The following PPIP5K2 variants were observed in gnomAD, a reference collection of about 807,000 sequenced individuals.
PPIP5K2 encodes inositol hexakisphosphate and diphosphoinositol-pentakisphosphate kinase 2.
PPIP5K2 carries 105 observed loss-of-function variants against 154.6 expected under a neutral mutation model. The ratio of observed to expected loss-of-function variants is 0.68; its 90% CI spans 0.58 to 0.80. PPIP5K2 has a LOEUF of 0.80. Among genes scored for constraint, PPIP5K2 ranks in the 30% least tolerant of loss-of-function variants. PPIP5K2 has a pLI of 0.00. For missense variants in PPIP5K2, 992 were observed against 1,504.6 expected (o/e 0.66, Z 5.64); for synonymous variants, 480 against 490.3 (o/e 0.98, Z 0.28).
intron 4 of PPIP5K2, among the ~76,000 whole-genome samples, chr5:103,138,091 A>ATGG (rs1791874681): frequency 6.6e-6 from 1 of 152,164 alleles, no homozygotes; most frequent in Non-Finnish European, 1.5e-5. Context: ...GATAATATCA[A>ATGG]CTTTATTCAG....
At chr5:103,183,002 A>T (rs1799774767) in intron 24 of PPIP5K2, among the ~76,000 whole-genome samples, 1 of 152,002 alleles carries the variant, frequency 6.6e-6, no homozygotes, top group Non-Finnish European at 1.5e-5. Flanking sequence ...AGTTGTTATC[A>T]CATACAATTA....
chr5:103,148,890 C>G (rs1554210213), intron 7 of PPIP5K2, among the ~76,000 whole-genome samples: 1 of 151,898 alleles, frequency 6.6e-6, no homozygotes, highest in Non-Finnish European at 1.5e-5. Context: ...TGTATACATC[C>G]TAGTATTCCC....
intron 3 of PPIP5K2, among the ~76,000 whole-genome samples, chr5:103,134,508 C>T (rs1554203589): frequency 6.6e-6 from 1 of 152,116 alleles, no homozygotes; most frequent in South Asian, 2.1e-4. Flanking sequence ...GCTACCATAG[C>T]CTAAATTGAT....
rs1435809021 is a variant in PPIP5K2, at chr5:103,203,514, G to A, written c.*1880G>A. 1.3e-5 allele frequency: 2 copies of A among 152,138 alleles called. No individual in the cohort carries two copies. Among genetic ancestry groups the A allele is most frequent in the East Asian group, 3.9e-4 (2 of 5,194 alleles). 9.4% of individuals were successfully genotyped at this position (152,138 alleles called of 1,614,324 possible). ...TTCCAAAACAAATAAAAAGTCTACT[G>A]TATCAGAGCAAAATGTTATAGTTAT... On this transcript the variant is annotated 3_prime_UTR_variant, in exon 31 of 31. Transcript: ENST00000358359.
Position 103,147,998 on chromosome 5 carries a change from AAG to A in PPIP5K2, c.713_714del (p.Glu238ValfsTer8). On this transcript the variant is annotated frameshift_variant, in exon 7 of 31. Transcript: ENST00000358359. LOFTEE classifies it high-confidence loss of function. ...CGAAAAACAGGCTCATATATATATG[AAG>A]AGTTTATGCCCACAGATGGTACTGA... 4 of 1,600,966 alleles carry A rather than the reference AAG, an allele frequency of 2.5e-6. No individual in the cohort carries two copies. Among genetic ancestry groups the A allele is most frequent in the Non-Finnish European group, 3.4e-6 (4 of 1,171,450 alleles).
At chr5:103,142,518 CG>C (rs1468372830) in intron 5 of PPIP5K2, among the ~76,000 whole-genome samples, 3 of 152,214 alleles carry the variant, frequency 2.0e-5, no homozygotes, top group Non-Finnish European at 2.9e-5. Context: ...GCTCCTCAAG[CG>C]CCGCCAAAGT....
chr5:103,148,098 G>T, intron 7 of PPIP5K2, 66 bp downstream of exon 7: 2 of 1,152,638 alleles, frequency 1.7e-6, no homozygotes, highest in Non-Finnish European at 2.6e-6. Context: ...AGAAAAAGTA[G>T]TTAATCTTTA....
intron 17 of PPIP5K2, among the ~76,000 whole-genome samples, chr5:103,161,221 G>A (rs1796184083): frequency 7.0e-6 from 1 of 142,852 alleles, no homozygotes; most frequent in African/African-American, 2.6e-5. Flanking sequence ...TTGGTTTTTT[G>A]TCCTTTCGAT....
At chr5:103,121,323 G>T (rs114558740) in intron 1 of PPIP5K2, among the ~76,000 whole-genome samples, 1,558 of 152,300 alleles carry the variant, frequency 0.01, 10 homozygotes, top group African/African-American at 0.014. Context: ...GCTTTACATA[G>T]TTTGTCATTT....
intron 17 of PPIP5K2, among the ~76,000 whole-genome samples, chr5:103,160,229 G>A (rs1003418435): frequency 1.9e-4 from 29 of 152,112 alleles, no homozygotes; most frequent in African/African-American, 7.0e-4. Flanking sequence ...CAATAAAAAT[G>A]GGAATGCAAA....
chr5:103,195,992 A>G (rs1554228398), intron 30 of PPIP5K2, among the ~76,000 whole-genome samples: 1 of 152,188 alleles, frequency 6.6e-6, no homozygotes, highest in African/African-American at 2.4e-5. Flanking sequence ...TCGGGTTAAT[A>G]GTACCTTCTT....
chr5:103,187,788 TA>T (rs1554225653), intron 28 of PPIP5K2, among the ~76,000 whole-genome samples: 2 of 152,146 alleles, frequency 1.3e-5, no homozygotes, highest in Non-Finnish European at 2.9e-5. Flanking sequence ...TAAACAAAAA[TA>T]CAGAGCCACC....
intron 8 of PPIP5K2, among the ~76,000 whole-genome samples, chr5:103,149,647 T>G (rs1257986957): frequency 1.3e-5 from 2 of 152,142 alleles, no homozygotes; most frequent in Non-Finnish European, 2.9e-5. Context: ...ATTTTTTTGT[T>G]GAATGAAAAC....
At chr5:103,143,538 GAA>G (rs1307515292) in intron 5 of PPIP5K2, among the ~76,000 whole-genome samples, 2 of 152,128 alleles carry the variant, frequency 1.3e-5, no homozygotes, top group Admixed American at 1.3e-4. Context: ...CAAAATAATG[GAA>G]ACCTCAGAAA....
In PPIP5K2 at chr5:103,201,567, G is replaced by A. The variant is rs782132691; in HGVS notation, c.3665G>A (p.Arg1222Gln). ...GCAGTTGTTCCTAATACCTCATCTC[G>A]GAAAAAGAATATAACTAGCAAAACA... ...SSAVVPNTSSRKKNITSKTET... is the reference protein window; with the variant it reads ...SSAVVPNTSSQKKNITSKTET... The change falls in exon 31 of 31, where the codon CGG (arginine) becomes CAG (glutamine). Residue 1222 changes from arginine (R) to glutamine (Q), a missense_variant. This residue lies in a region of PPIP5K2 where 131 missense variants were observed against 117.8 expected (regional missense o/e 1.11). Transcript: ENST00000358359. 126 of 1,607,778 alleles carry A rather than the reference G, an allele frequency of 7.8e-5. No individual in the cohort carries two copies. Among genetic ancestry groups the A allele is most frequent in the East Asian group, 1.8e-4 (8 of 44,686 alleles).
intron 19 of PPIP5K2, among the ~76,000 whole-genome samples, chr5:103,170,875 A>T (rs1797882021): frequency 6.6e-6 from 1 of 151,592 alleles, no homozygotes; most frequent in Admixed American, 6.6e-5. Flanking sequence ...CAAGCAAATA[A>T]TATTTCCAGC....
At chr5:103,181,103 A>G (rs1419017880) in intron 24 of PPIP5K2, among the ~76,000 whole-genome samples, 1 of 152,178 alleles carries the variant, frequency 6.6e-6, no homozygotes, top group Non-Finnish European at 1.5e-5. Context: ...TTAAAAGGAA[A>G]GTTTAGCAGT....
intron 28 of PPIP5K2, 42 bp downstream of exon 28, chr5:103,187,418 T>A (rs1432183384): frequency 7.2e-7 from 1 of 1,391,800 alleles, no homozygotes; most frequent in Middle Eastern, 1.8e-4. Context: ...CCCTGCTTCA[T>A]CCCTTTTTTA....
chr5:103,205,326 T>C lies in PPIP5K2; in HGVS notation c.*3692T>C, dbSNP rs938235792. On this transcript the variant is annotated 3_prime_UTR_variant, in exon 31 of 31. Coordinates refer to ENST00000358359, the MANE Select transcript of PPIP5K2 (RefSeq NM_001276277.3). ...CATACGTGTGCATGTGTCTTTATAG[T>C]GGCATGATTTATAATCCTTTGGGTA... 1 of 152,206 alleles carries C rather than the reference T, an allele frequency of 6.6e-6. No individual in the cohort carries two copies. Among genetic ancestry groups the C allele is most frequent in the Non-Finnish European group, 1.5e-5 (1 of 68,040 alleles). 9.4% of individuals were successfully genotyped at this position (152,206 alleles called of 1,614,324 possible). A position where few individuals can be genotyped will look rare whatever the true frequency, so the allele number is the denominator to read the frequency against.
Sources: gnomAD v4.1 joint callset for allele counts (sites outside exome capture counted in the v4.1 genomes callset) on GRCh38, gnomAD v4.1.1 for gene constraint, gnomAD v4.1.1 regional missense constraint, MANE v1.5 for transcripts, NCBI Gene and HGNC (gene_info 2026-07-23, HGNC 2026-07-21) for gene names.